Variants in CSGALNACT1 observed in about 807,000 individuals in gnomAD.
CSGALNACT1 encodes the protein beta4GalNAcT-1.
In CSGALNACT1, 52 loss-of-function variants were observed where a neutral mutation model predicts 51.0. That is an observed-to-expected ratio of 1.02 (90% CI 0.82 to 1.29). The LOEUF (loss-of-function observed/expected upper bound fraction) is 1.29, where lower values mean the gene tolerates loss of function less well. CSGALNACT1 is among the 50% of genes most tolerant of loss of function. The pLI, the probability that CSGALNACT1 is intolerant of heterozygous loss-of-function variation, is 0.00. For synonymous variants in CSGALNACT1, 341 were observed against 254.4 expected (o/e 1.34, Z -3.24); for missense variants, 935 against 679.2 (o/e 1.38, Z -4.19).
chr8:19,460,701 G>C (rs1331354828), intron 4 of CSGALNACT1, among the ~76,000 whole-genome samples: 1 of 152,154 alleles, frequency 6.6e-6, no homozygotes, highest in African/African-American at 2.4e-5. Flanking sequence ...CTCCTGCCTA[G>C]AGTCAGTTAC....
intron 1 of CSGALNACT1, among the ~76,000 whole-genome samples, chr8:19,669,817 C>T (rs575749616): frequency 6.6e-6 from 1 of 152,262 alleles, no homozygotes; most frequent in African/African-American, 2.4e-5. Flanking sequence ...GTTGTGGCAA[C>T]ATTAATTTGC....
At chr8:19,713,539 C>A (rs958249262) in intron 1 of CSGALNACT1, among the ~76,000 whole-genome samples, 2 of 152,228 alleles carry the variant, frequency 1.3e-5, no homozygotes, top group South Asian at 4.1e-4. Flanking sequence ...GAGGCCATAC[C>A]GGAGCAAGTG....
At chr8:19,666,809 A>AAGAAAGAAAGAAAGAAAGAG (rs1564383214) in intron 1 of CSGALNACT1, among the ~76,000 whole-genome samples, 14 of 25,100 alleles carry the variant, frequency 5.6e-4, no homozygotes, top group East Asian at 2.8e-3. Context: ...GAAAGAAAGA[A>AAGAAAGAAAGAAAGAAAGAG]AGAGAGAGAG....
intron 1 of CSGALNACT1, among the ~76,000 whole-genome samples, chr8:19,655,259 C>T (rs1187729460): frequency 6.6e-6 from 1 of 152,136 alleles, no homozygotes; most frequent in South Asian, 2.1e-4. Context: ...CAAATCCAAG[C>T]CCTTTATGAC....
At chr8:19,554,399 A>G (rs2089155156) in intron 3 of CSGALNACT1, among the ~76,000 whole-genome samples, 1 of 152,208 alleles carries the variant, frequency 6.6e-6, no homozygotes, top group Non-Finnish European at 1.5e-5. Flanking sequence ...AGCTACAGGA[A>G]ATAATGCAGG....
At chr8:19,645,533 G>C (rs1053381401) in intron 1 of CSGALNACT1, among the ~76,000 whole-genome samples, 2 of 152,172 alleles carry the variant, frequency 1.3e-5, no homozygotes, top group Non-Finnish European at 2.9e-5. Flanking sequence ...ATCCATTTCC[G>C]CAGCTGTCAA....
chr8:19,707,149 A>G (rs2062219328), intron 1 of CSGALNACT1, among the ~76,000 whole-genome samples: 1 of 152,134 alleles, frequency 6.6e-6, no homozygotes, highest in Admixed American at 6.6e-5. Context: ...GCTCAAGAGA[A>G]AAGTAGCATG....
intron 6 of CSGALNACT1, among the ~76,000 whole-genome samples, chr8:19,438,678 A>G (rs905415972): frequency 2.0e-5 from 3 of 152,230 alleles, no homozygotes; most frequent in Non-Finnish European, 4.4e-5. Context: ...AGACAAAGGC[A>G]GCCACAAATA....
intron 1 of CSGALNACT1, among the ~76,000 whole-genome samples, chr8:19,613,821 G>A (rs1340824187): frequency 3.9e-5 from 6 of 152,126 alleles, no homozygotes; most frequent in Middle Eastern, 6.8e-3. Context: ...ATTCTCTTTC[G>A]CACTGAGATT....
At chr8:19,601,477 C>G (rs118154347) in intron 2 of CSGALNACT1, among the ~76,000 whole-genome samples, 1 of 152,258 alleles carries the variant, frequency 6.6e-6, no homozygotes, top group Non-Finnish European at 1.5e-5. Flanking sequence ...TCTTCCAGCT[C>G]TATGATTGGT....
intron 1 of CSGALNACT1, among the ~76,000 whole-genome samples, chr8:19,681,024 C>T (rs11778161): frequency 0.24 from 37,095 of 151,864 alleles, 4,930 homozygotes; most frequent in Middle Eastern, 0.37. Flanking sequence ...GTAGGTTACA[C>T]ACCAATACTA....
At chr8:19,552,205 A>G (rs900752769) in intron 3 of CSGALNACT1, among the ~76,000 whole-genome samples, 1 of 152,210 alleles carries the variant, frequency 6.6e-6, no homozygotes, top group Non-Finnish European at 1.5e-5. Context: ...TGAGTAGATG[A>G]AGAATTATTA....
chr8:19,660,051 C>T (rs143576814), intron 1 of CSGALNACT1, among the ~76,000 whole-genome samples: 18 of 152,310 alleles, frequency 1.2e-4, no homozygotes, highest in Admixed American at 4.6e-4. Flanking sequence ...GGGAAACTGA[C>T]GCACGGGGAA....
At chr8:19,445,830 T>C (rs1342830073) in intron 5 of CSGALNACT1, among the ~76,000 whole-genome samples, 1 of 152,164 alleles carries the variant, frequency 6.6e-6, no homozygotes, top group Non-Finnish European at 1.5e-5. Flanking sequence ...TGTGAGAGTG[T>C]GTATGTGAGT....
intron 1 of CSGALNACT1, among the ~76,000 whole-genome samples, chr8:19,674,494 A>G (rs1175761789): frequency 6.6e-6 from 1 of 152,182 alleles, no homozygotes; most frequent in African/African-American, 2.4e-5. Context: ...GGTGAAGGCG[A>G]CTGCAGAAGC....
intron 1 of CSGALNACT1, among the ~76,000 whole-genome samples, chr8:19,739,485 C>A (rs985648374): frequency 2.0e-5 from 3 of 152,156 alleles, no homozygotes; most frequent in Non-Finnish European, 2.9e-5. Context: ...TGCTGGCTGC[C>A]TCACTATATC....
chr8:19,720,771 G>A (rs1401971127), intron 1 of CSGALNACT1, among the ~76,000 whole-genome samples: 1 of 152,180 alleles, frequency 6.6e-6, no homozygotes, highest in African/African-American at 2.4e-5. Context: ...GGTGCTGCTG[G>A]CTCATGCCCA....
chr8:19,530,624 A>C (rs2082582561), intron 3 of CSGALNACT1, among the ~76,000 whole-genome samples: 1 of 152,164 alleles, frequency 6.6e-6, no homozygotes, highest in South Asian at 2.1e-4. Context: ...CCAGTTATTC[A>C]AGTGGCTGAG....
chr8:19,585,278 T>C (rs1461964891), intron 3 of CSGALNACT1: 1 of 152,204 alleles, frequency 6.6e-6, no homozygotes, highest in Non-Finnish European at 1.5e-5. Context: ...AGGAGCCGCT[T>C]GCTGGTTGAG....
Sources: gnomAD v4.1 joint callset for allele counts (sites outside exome capture counted in the v4.1 genomes callset) on GRCh38, gnomAD v4.1.1 for gene constraint, MANE v1.5 for transcripts, NCBI Gene and HGNC (gene_info 2026-07-23, HGNC 2026-07-21) for gene names.